ASB5: variants seen among roughly 807,000 people sequenced by gnomAD.
ASB5 encodes ankyrin repeat and SOCS box containing 5.
In ASB5, 45 loss-of-function variants were observed where a neutral mutation model predicts 42.1. That is an observed-to-expected ratio of 1.07 (90% confidence interval 0.84 to 1.37). The LOEUF is 1.37. Ranked by LOEUF, ASB5 falls within the 40% of genes most tolerant of loss-of-function variation. The pLI is 0.00. For missense variants in ASB5, 402 were observed against 399.8 expected, an observed-to-expected ratio of 1.01 and a Z score of -0.05; for synonymous variants, 147 against 150.6, an observed-to-expected ratio of 0.98 and a Z score of 0.18.
chr4:176,252,059 T>A, intron 1 of ASB5, among the ~76,000 whole-genome samples: 1 of 116,320 alleles, frequency 8.6e-6, no homozygotes. Context: ...GAGCAAGACC[T>A]TGTCTCAAAA....
intron 1 of ASB5, among the ~76,000 whole-genome samples, chr4:176,263,420 C>A (rs1754300400): frequency 6.6e-6 from 1 of 151,872 alleles, no homozygotes; most frequent in African/African-American, 2.4e-5. Context: ...TTTTGATTTG[C>A]AGGATTATAA....
At chr4:176,238,181 T>C (rs1579322546) in intron 1 of ASB5, among the ~76,000 whole-genome samples, 1 of 122,738 alleles carries the variant, frequency 8.1e-6, no homozygotes. Flanking sequence ...CACTCCAGCC[T>C]GGGCGACAGA....
At chr4:176,238,016 G>GT (rs951183540) in intron 1 of ASB5, among the ~76,000 whole-genome samples, 3 of 152,074 alleles carry the variant, frequency 2.0e-5, no homozygotes, top group Non-Finnish European at 4.4e-5. Flanking sequence ...GAGGTCAGGG[G>GT]TTAGAGACCA....
intron 1 of ASB5, among the ~76,000 whole-genome samples, chr4:176,230,580 CAT>C (rs1318818573): frequency 6.6e-6 from 1 of 152,148 alleles, no homozygotes; most frequent in East Asian, 1.9e-4. Flanking sequence ...AATCTAATAA[CAT>C]ATGAGAATCA....
chr4:176,230,358 A>T (rs1255651801), intron 1 of ASB5, among the ~76,000 whole-genome samples: 1 of 152,186 alleles, frequency 6.6e-6, no homozygotes, highest in Non-Finnish European at 1.5e-5. Flanking sequence ...CAATTGAGTG[A>T]TTTATAAATA....
intron 5 of ASB5, among the ~76,000 whole-genome samples, chr4:176,217,998 G>C (rs964652484): frequency 6.6e-6 from 1 of 150,758 alleles, no homozygotes; most frequent in East Asian, 1.9e-4. Flanking sequence ...AAAATGTTTC[G>C]TGAAAAAATT....
At chr4:176,267,910 A>T (rs1754389027) in intron 1 of ASB5, among the ~76,000 whole-genome samples, 1 of 152,186 alleles carries the variant, frequency 6.6e-6, no homozygotes, top group Non-Finnish European at 1.5e-5. Context: ...GTCGCATCCC[A>T]CATTGAAAAA....
chr4:176,222,870 C>T (rs937997011), intron 2 of ASB5, among the ~76,000 whole-genome samples: 6 of 152,064 alleles, frequency 3.9e-5, no homozygotes, highest in Admixed American at 1.3e-4. Context: ...CTCCGCCTCC[C>T]GGGTTCATGC....
intron 1 of ASB5, among the ~76,000 whole-genome samples, chr4:176,252,359 A>G (rs1212143841): frequency 6.6e-6 from 1 of 152,236 alleles, no homozygotes; most frequent in Non-Finnish European, 1.5e-5. Flanking sequence ...TCAGCTAGGG[A>G]CAGTTAGAAC....
upstream of ASB5, among the ~76,000 whole-genome samples, chr4:176,273,046 C>T (rs892845164): frequency 6.6e-6 from 1 of 150,448 alleles, no homozygotes; most frequent in Non-Finnish European, 1.5e-5. Flanking sequence ...ACCTCCCAGG[C>T]TCAAGCAGTC....
At chr4:176,260,000 T>C (rs894714281) in intron 1 of ASB5, among the ~76,000 whole-genome samples, 5 of 152,190 alleles carry the variant, frequency 3.3e-5, no homozygotes, top group South Asian at 2.1e-4. Flanking sequence ...ATCTAATCCC[T>C]AGGAAAGAAT....
At chr4:176,221,701 G>T in intron 3 of ASB5, 101 bp from the exon 4 acceptor site, 3 of 1,106,582 alleles carry the variant, frequency 2.7e-6, no homozygotes, top group Non-Finnish European at 2.5e-6. Flanking sequence ...ACAGAAATAC[G>T]TAGGAAAATG....
At chr4:176,276,398 G>T (rs1754564050) in intron 1 of ASB5, among the ~76,000 whole-genome samples, 1 of 152,074 alleles carries the variant, frequency 6.6e-6, no homozygotes. Context: ...CTATATAAAG[G>T]AAATCAATCA....
chr4:176,219,879 G>T (rs6810493), intron 5 of ASB5, among the ~76,000 whole-genome samples: 32,554 of 151,584 alleles, frequency 0.21, 3,598 homozygotes, highest in African/African-American at 0.26. Context: ...TAAAATGTTT[G>T]GTGGAAAGAA....
upstream of ASB5, among the ~76,000 whole-genome samples, chr4:176,272,597 T>C (rs1466633916): frequency 1.3e-5 from 2 of 152,112 alleles, no homozygotes; most frequent in Non-Finnish European, 2.9e-5. Context: ...CCCCTAGGAC[T>C]CCCCACCTTC....
intron 1 of ASB5, among the ~76,000 whole-genome samples, chr4:176,259,724 G>A (rs1754222000): frequency 6.6e-6 from 1 of 152,138 alleles, no homozygotes; most frequent in Non-Finnish European, 1.5e-5. Flanking sequence ...AAATCACACT[G>A]CACACTTGAC....
At chr4:176,239,669 A>G (rs1753770317) in intron 1 of ASB5, among the ~76,000 whole-genome samples, 1 of 152,160 alleles carries the variant, frequency 6.6e-6, no homozygotes, top group Non-Finnish European at 1.5e-5. Context: ...AGTAATTTGA[A>G]TATGGAATTT....
At chr4:176,268,892 A>T in intron 1 of ASB5, 21 bp downstream of exon 1, 2 of 1,538,044 alleles carry the variant, frequency 1.3e-6, no homozygotes, top group Non-Finnish European at 1.8e-6. Context: ...TTGAAACAAG[A>T]GAGGATTATC....
Position 176,251,478 on chromosome 4 carries a change from C to T in ASB5, c.196+17435G>A, listed in dbSNP as rs1452618645. 3.4e-5 allele frequency among the ~76,000 whole-genome samples: 2 copies of T among 59,230 alleles called. 1 individual carries two copies. The highest frequency in any genetic ancestry group is 7.7e-5 in the Non-Finnish European group (2 of 26,032). The allele number at this position is 59,230 out of a possible 152,430, so 38.9% of individuals were successfully genotyped here. ...TTGGGAGGCTGAGGCAGGAGAATGGCGTGAACCCGGGAGGCGGAGCTTGCA... is the reference window on the plus strand; with the variant it reads ...TTGGGAGGCTGAGGCAGGAGAATGGTGTGAACCCGGGAGGCGGAGCTTGCA... On this transcript the variant is annotated intron_variant, in intron 1 of 6. Coordinates refer to ENST00000296525, the MANE Select transcript of ASB5 (RefSeq NM_080874.4).
Sources: allele counts gnomAD v4.1 joint callset (sites outside exome capture counted in the v4.1 genomes callset), GRCh38; gene constraint gnomAD v4.1.1; transcripts MANE v1.5; gene names NCBI Gene and HGNC (gene_info 2026-07-23, HGNC 2026-07-21).